The following COG5 variants were observed in gnomAD, a reference collection of about 807,000 sequenced individuals.
The protein encoded by COG5 is component of oligomeric golgi complex 5, also known as conserved oligomeric Golgi complex subunit 5.
In COG5, 86 loss-of-function variants were observed where a neutral mutation model predicts 110.4. That is an observed-to-expected ratio of 0.78 (90% confidence interval 0.65 to 0.93). The LOEUF (loss-of-function observed/expected upper bound fraction) is 0.93. Ranked by LOEUF, COG5 falls within the 40% of genes least tolerant of loss-of-function variation. COG5 has a pLI of 0.00. For missense variants in COG5, 1,077 were observed against 987.0 expected, an observed-to-expected ratio of 1.09 and a Z score of -1.22; for synonymous variants, 360 against 334.6, an observed-to-expected ratio of 1.08 and a Z score of -0.83.
At chr7:107,422,425 G>A (rs1584803682) in intron 6 of COG5, among the ~76,000 whole-genome samples, 1 of 152,130 alleles carries the variant, frequency 6.6e-6, no homozygotes, top group Non-Finnish European at 1.5e-5. Flanking sequence ...TACTTGGGAG[G>A]CTGAGGCAGC....
intron 6 of COG5, among the ~76,000 whole-genome samples, chr7:107,500,185 C>T (rs1250137401): frequency 6.6e-6 from 1 of 152,066 alleles, no homozygotes; most frequent in Non-Finnish European, 1.5e-5. Context: ...TAAGAGTTGG[C>T]ATCCTGTCTT....
chr7:107,520,004 A>G (rs1448612732), intron 6 of COG5, among the ~76,000 whole-genome samples: 3 of 152,210 alleles, frequency 2.0e-5, no homozygotes, highest in African/African-American at 7.2e-5. Flanking sequence ...GCAAATCAAT[A>G]AACATAATCC....
intron 14 of COG5, among the ~76,000 whole-genome samples, chr7:107,280,717 A>C (rs978212436): frequency 1.3e-5 from 2 of 152,060 alleles, no homozygotes; most frequent in Admixed American, 1.3e-4. Flanking sequence ...TAGAATTAAG[A>C]TTATGATTCA....
chr7:107,475,024 T>C, intron 6 of COG5: 1 of 1,613,056 alleles, frequency 6.2e-7, no homozygotes, highest in Non-Finnish European at 8.5e-7. Flanking sequence ...TATTTCTACA[T>C]TTCTTCTCTG....
chr7:107,436,142 G>T (rs1563033797), intron 6 of COG5, among the ~76,000 whole-genome samples: 1 of 152,212 alleles, frequency 6.6e-6, no homozygotes, highest in Non-Finnish European at 1.5e-5. Flanking sequence ...AGTTGGGAAG[G>T]ATGGGGAGAG....
At chr7:107,559,234 A>T (rs941173012) in intron 1 of COG5, among the ~76,000 whole-genome samples, 2 of 152,214 alleles carry the variant, frequency 1.3e-5, no homozygotes, top group African/African-American at 4.8e-5. Context: ...GTAATACCAG[A>T]TGTTAAAAAG....
At chr7:107,211,058 G>A in intron 20 of COG5, 41 bp downstream of exon 20, 1 of 1,610,384 alleles carries the variant, frequency 6.2e-7, no homozygotes, top group South Asian at 1.1e-5. Flanking sequence ...CAGGTAATGG[G>A]AAGAGTCACA....
intron 8 of COG5, among the ~76,000 whole-genome samples, chr7:107,364,831 AAG>A (rs769108863): frequency 3.4e-4 from 52 of 152,206 alleles, no homozygotes; most frequent in Non-Finnish European, 6.6e-4. Context: ...ATCTATGAGA[AAG>A]ATGTTGGCTT....
intron 7 of COG5, among the ~76,000 whole-genome samples, chr7:107,384,928 A>G (rs536658892): frequency 2.0e-5 from 3 of 152,346 alleles, no homozygotes; most frequent in African/African-American, 7.2e-5. Flanking sequence ...TATGCTTAAC[A>G]GATGAATTAA....
intron 6 of COG5, among the ~76,000 whole-genome samples, chr7:107,461,914 C>G (rs1360966869): frequency 2.0e-5 from 3 of 152,024 alleles, no homozygotes; most frequent in Admixed American, 2.0e-4. Flanking sequence ...AGAAATATAC[C>G]ATGTTTAAAG....
intron 5 of COG5, among the ~76,000 whole-genome samples, chr7:107,546,195 A>C (rs1157890072): frequency 1.3e-5 from 2 of 152,206 alleles, no homozygotes; most frequent in East Asian, 1.9e-4. Flanking sequence ...CAACATACCG[A>C]AAGTTATGGG....
rs2520272 is a variant in COG5, at chr7:107,557,960, A to T, written c.234+16T>A. 719,128 of 1,612,654 alleles carry T rather than the reference A, an allele frequency of 0.45. 163,026 individuals are homozygous for T. Among genetic ancestry groups the T allele is most frequent in the Non-Finnish European group, 0.47 (551,378 of 1,178,946 alleles). On this transcript the variant is annotated intron_variant, in intron 2 of 21. Coordinates refer to ENST00000297135, the MANE Select transcript of COG5 (RefSeq NM_006348.5). ...TAGGCTGAATAATCCATAGGGACCCAGAAGATCAGAATTACCTGTAAGTGT... is the reference window on the plus strand; with the variant it reads ...TAGGCTGAATAATCCATAGGGACCCTGAAGATCAGAATTACCTGTAAGTGT...
chr7:107,437,395 C>A (rs906991391), intron 6 of COG5, among the ~76,000 whole-genome samples: 1 of 152,134 alleles, frequency 6.6e-6, no homozygotes, highest in Admixed American at 6.5e-5. Context: ...GAGGTTTAGG[C>A]ATCTTAGGTT....
rs1584512791 is a variant in COG5 at position 107,201,624 on chromosome 7, T to TATC, written c.*1889_*1891dup. On this transcript the variant is annotated 3_prime_UTR_variant, in exon 22 of 22. Transcript: ENST00000297135. ...CTCCATTAGAGCATTAAGCTAAAAC[T>TATC]ATCAACATTTTAAACCAAATTGCCT... is the stretch of plus-strand genomic sequence containing the variant. 4.6e-6 allele frequency: 2 copies of TATC among 435,904 alleles called. No homozygotes were observed. The highest frequency in any genetic ancestry group is 4.1e-5 in the African/African-American group (2 of 49,206). 27.0% of individuals were successfully genotyped at this position (435,904 alleles called of 1,614,324 possible).
At chr7:107,419,446 C>T (rs1181357612) in intron 6 of COG5, among the ~76,000 whole-genome samples, 2 of 151,354 alleles carry the variant, frequency 1.3e-5, no homozygotes, top group Non-Finnish European at 2.9e-5. Flanking sequence ...ATTTTACCAC[C>T]AATTATCTAT....
At chr7:107,470,512 T>TG (rs1796571242) in intron 6 of COG5, 1 of 152,144 alleles carries the variant, frequency 6.6e-6, no homozygotes, top group Non-Finnish European at 1.5e-5. Context: ...AAAATTACTT[T>TG]GAAAAATTTC....
At chr7:107,288,585 T>C (rs1182933629) in intron 12 of COG5, among the ~76,000 whole-genome samples, 1 of 152,124 alleles carries the variant, frequency 6.6e-6, no homozygotes, top group African/African-American at 2.4e-5. Context: ...CATGTGCTTA[T>C]TGGTCATCTA....
intron 6 of COG5, among the ~76,000 whole-genome samples, chr7:107,515,205 TAA>T (rs1799830315): frequency 6.6e-6 from 1 of 152,120 alleles, no homozygotes; most frequent in Non-Finnish European, 1.5e-5. Context: ...ATTTGTAGGA[TAA>T]GTCAAAAATA....
chr7:107,332,462 A>T (rs997757515), intron 10 of COG5, among the ~76,000 whole-genome samples: 1 of 152,196 alleles, frequency 6.6e-6, no homozygotes, highest in Non-Finnish European at 1.5e-5. Flanking sequence ...ATAGTTTGGT[A>T]TATGTTTGAA....
Sources: allele counts gnomAD v4.1 joint callset (sites outside exome capture counted in the v4.1 genomes callset), GRCh38; gene constraint gnomAD v4.1.1; transcripts MANE v1.5; gene names NCBI Gene and HGNC (gene_info 2026-07-23, HGNC 2026-07-21).